NOVA1: variants seen among roughly 807,000 people sequenced by gnomAD.
NOVA1 encodes the protein RNA-binding protein Nova-1.
Under a neutral mutation model 38.0 loss-of-function variants are expected in NOVA1, and 7 were observed. The observed-to-expected ratio is 0.18, with a 90% CI of 0.10 to 0.35. The LOEUF is 0.35. NOVA1 is among the 10% of genes least tolerant of loss of function. NOVA1 has a pLI of 1.00. For missense variants in NOVA1, 460 were observed against 616.0 expected (o/e 0.75, Z 2.68); for synonymous variants, 270 against 232.5 (o/e 1.16, Z -1.47).
At chr14:26,450,446 G>C (rs938546025) in intron 4 of NOVA1, among the ~76,000 whole-genome samples, 12 of 151,436 alleles carry the variant, frequency 7.9e-5, no homozygotes, top group Non-Finnish European at 1.6e-4. Flanking sequence ...AGTAATAAAA[G>C]AAATTTAATT....
chr14:26,592,821 G>A (rs868747925), intron 2 of NOVA1: 1 of 151,626 alleles, frequency 6.6e-6, no homozygotes, highest in African/African-American at 2.4e-5. Flanking sequence ...GTATTAAAAT[G>A]TCCCGAGTGT....
chr14:26,455,902 T>C (rs1265253492), intron 4 of NOVA1, among the ~76,000 whole-genome samples: 1 of 151,880 alleles, frequency 6.6e-6, no homozygotes, highest in Non-Finnish European at 1.5e-5. Flanking sequence ...AAAATGAAAA[T>C]AATTTGGGGT....
chr14:26,461,980 T>A (rs558494780), intron 4 of NOVA1, among the ~76,000 whole-genome samples: 1 of 151,952 alleles, frequency 6.6e-6, no homozygotes, highest in South Asian at 2.1e-4. Flanking sequence ...ACTCCTAATG[T>A]AATCTGCATA....
chr14:26,595,470 G>A lies in NOVA1; in HGVS notation c.220C>T (p.Gln74Ter). The A allele has an allele frequency of 6.2e-7, 1 of 1,613,850 alleles. No homozygotes were observed. Among genetic ancestry groups the A allele is most frequent in the Non-Finnish European group, 8.5e-7 (1 of 1,179,862 alleles). Residue 74 changes from glutamine to a stop codon, truncating the protein, a stop_gained, in exon 2 of 5, where the codon CAG becomes TAG. Transcript: ENST00000539517. LOFTEE classifies it high-confidence loss of function. ...IIGKGGQTIV[Q>*]LQKETGATIK... The stretch of plus-strand genomic sequence containing the variant: ...GTGGCTCCAGTTTCTTTTTGCAACT[G>A]AACAATTGTCTGTCCTCCCTTCCCA...
intron 2 of NOVA1, among the ~76,000 whole-genome samples, chr14:26,553,904 T>C (rs551723851): frequency 9.2e-5 from 14 of 152,088 alleles, no homozygotes; most frequent in Admixed American, 7.9e-4. Context: ...CCCAGCACTT[T>C]GCAGGGCTGA....
chr14:26,518,323 T>C (rs923052841), intron 2 of NOVA1, among the ~76,000 whole-genome samples: 3 of 152,160 alleles, frequency 2.0e-5, no homozygotes, highest in East Asian at 1.9e-4. Flanking sequence ...AGTACACTTA[T>C]ATATAAATAC....
At chr14:26,506,990 T>C (rs1176880837) in intron 2 of NOVA1, among the ~76,000 whole-genome samples, 1 of 152,226 alleles carries the variant, frequency 6.6e-6, no homozygotes, top group Non-Finnish European at 1.5e-5. Flanking sequence ...TTATTTGAAA[T>C]TTCCTGAATT....
At chr14:26,570,650 T>C (rs1413684573) in intron 2 of NOVA1, among the ~76,000 whole-genome samples, 1 of 152,142 alleles carries the variant, frequency 6.6e-6, no homozygotes, top group Non-Finnish European at 1.5e-5. Context: ...TTAAAACCAA[T>C]AGATAAAAGT....
At chr14:26,538,014 A>G (rs1488303399) in intron 2 of NOVA1, among the ~76,000 whole-genome samples, 1 of 152,096 alleles carries the variant, frequency 6.6e-6, no homozygotes, top group African/African-American at 2.4e-5. Context: ...GCAATACAAA[A>G]CTTGCTTGGC....
At chr14:26,518,649 G>C (rs1888652190) in intron 2 of NOVA1, among the ~76,000 whole-genome samples, 1 of 152,016 alleles carries the variant, frequency 6.6e-6, no homozygotes, top group Non-Finnish European at 1.5e-5. Flanking sequence ...TTTCTTTGTA[G>C]TGAGAATATT....
At chr14:26,454,901 A>G (rs1443912576) in intron 4 of NOVA1, among the ~76,000 whole-genome samples, 4 of 152,164 alleles carry the variant, frequency 2.6e-5, no homozygotes, top group African/African-American at 9.6e-5. Flanking sequence ...AGTAGCATCC[A>G]GTGGAGATAC....
chr14:26,466,607 A>C (rs537225109), intron 4 of NOVA1, among the ~76,000 whole-genome samples: 1 of 152,280 alleles, frequency 6.6e-6, no homozygotes, highest in Admixed American at 6.5e-5. Context: ...AGGAATAATA[A>C]AGATTAAGCT....
At chr14:26,588,416 T>C (rs1401724681) in intron 2 of NOVA1, 1 of 151,454 alleles carries the variant, frequency 6.6e-6, no homozygotes, top group Non-Finnish European at 1.5e-5. Flanking sequence ...CATTTTGCTG[T>C]TAAAAACCTC....
intron 2 of NOVA1, among the ~76,000 whole-genome samples, chr14:26,484,428 GAAAAAAAAAAAAAAAAAAAAA>G (rs869087238): frequency 3.5e-5 from 2 of 56,436 alleles, no homozygotes; most frequent in African/African-American, 1.5e-4. Flanking sequence ...ACTCCGTCTC[GAAAAAAAAAAAAAAAAAAAAA>G]AAAAAAAAAA....
At position 26,444,020 on chromosome 14, in the gene NOVA1, T is replaced by G. The variant is rs3764178; in HGVS notation, c.*3939A>C. On this transcript the variant is annotated 3_prime_UTR_variant, in exon 5 of 5. Transcript: ENST00000539517. ...GAAGACTTACAGTAAATAAAATTAT[T>G]AAGTAAATAAACTTTACTTAAGGAC... 2.0e-4 allele frequency: 31 copies of G among 152,188 alleles called. No homozygotes were observed. In the East Asian group the frequency reaches 6.0e-3, roughly 29 times the overall value. 9.4% of individuals were successfully genotyped at this position (152,188 alleles called of 1,614,324 possible).
chr14:26,511,755 G>GA (rs201869885), intron 2 of NOVA1, among the ~76,000 whole-genome samples: 10,749 of 142,308 alleles, frequency 0.076, 1,146 homozygotes, highest in African/African-American at 0.24. Context: ...TGTCTCAAAA[G>GA]AAAAAAAAAA....
intron 2 of NOVA1, among the ~76,000 whole-genome samples, chr14:26,481,785 T>C (rs1594372151): frequency 6.6e-6 from 1 of 152,036 alleles, no homozygotes; most frequent in East Asian, 1.9e-4. Context: ...TTTATGGGGA[T>C]ACTCTAGGGA....
chr14:26,458,293 A>T (rs1883345993), intron 4 of NOVA1, among the ~76,000 whole-genome samples: 1 of 152,124 alleles, frequency 6.6e-6, no homozygotes, highest in Non-Finnish European at 1.5e-5. Flanking sequence ...CTTAAAACAG[A>T]GCTACTATTT....
At chr14:26,569,709 T>C (rs10129655) in intron 2 of NOVA1, among the ~76,000 whole-genome samples, 53,227 of 152,060 alleles carry the variant, frequency 0.35, 11,254 homozygotes, top group African/African-American at 0.6. Flanking sequence ...TGGCCCATTA[T>C]TGACAAATAA....
Sources: gnomAD v4.1 joint callset for allele counts (sites outside exome capture counted in the v4.1 genomes callset) on GRCh38, gnomAD v4.1.1 for gene constraint, MANE v1.5 for transcripts, NCBI Gene and HGNC (gene_info 2026-07-23, HGNC 2026-07-21) for gene names.